The following STPG2 variants were observed in gnomAD, a reference collection of about 807,000 sequenced individuals.
STPG2 encodes sperm-tail PG-rich repeat-containing protein 2.
Under a neutral mutation model 54.2 loss-of-function variants are expected in STPG2, and 56 were observed. The observed-to-expected ratio is 1.03, with a 90% CI of 0.83 to 1.29. STPG2 has a LOEUF of 1.29. STPG2 is among the 50% of genes most tolerant of loss of function. STPG2 has a pLI of 0.00. For synonymous variants in STPG2, 200 were observed against 181.8 expected (o/e 1.10, Z -0.81); for missense variants, 596 against 544.9 (o/e 1.09, Z -0.93).
chr4:97,604,211 T>A (rs373708771), intron 10 of STPG2, among the ~76,000 whole-genome samples: 11 of 151,638 alleles, frequency 7.3e-5, no homozygotes, highest in African/African-American at 2.7e-4. Context: ...TAGCCTCATA[T>A]CTTTCAAGTC....
chr4:97,859,591 A>C (rs2149139031), intron 8 of STPG2, among the ~76,000 whole-genome samples: 1 of 151,704 alleles, frequency 6.6e-6, no homozygotes. Flanking sequence ...CAGGCTCCCA[A>C]GTAGCTGGGA....
At chr4:97,801,112 C>T (rs1446640257) in intron 9 of STPG2, among the ~76,000 whole-genome samples, 1 of 152,222 alleles carries the variant, frequency 6.6e-6, no homozygotes, top group Non-Finnish European at 1.5e-5. Flanking sequence ...AGGGAATTCT[C>T]TGACCCCTTG....
chr4:97,870,965 C>T (rs1210761997), intron 8 of STPG2, among the ~76,000 whole-genome samples: 1 of 150,866 alleles, frequency 6.6e-6, no homozygotes, highest in Non-Finnish European at 1.5e-5. Flanking sequence ...ATTAATGACA[C>T]TTCCTGATCA....
At chr4:97,653,128 T>G (rs189077088) in intron 10 of STPG2, among the ~76,000 whole-genome samples, 1 of 151,810 alleles carries the variant, frequency 6.6e-6, no homozygotes, top group East Asian at 1.9e-4. Context: ...GATAGATAGA[T>G]AGATAGACAG....
chr4:97,945,496 T>A (rs1346502255), intron 7 of STPG2, among the ~76,000 whole-genome samples: 1 of 152,182 alleles, frequency 6.6e-6, no homozygotes, highest in Non-Finnish European at 1.5e-5. Context: ...ATCTTTGCAA[T>A]TGTGAATTTG....
intron 7 of STPG2, among the ~76,000 whole-genome samples, chr4:97,951,845 T>A (rs1271716578): frequency 6.6e-6 from 1 of 151,940 alleles, no homozygotes; most frequent in Non-Finnish European, 1.5e-5. Flanking sequence ...AAGAAACTGG[T>A]TGTGATTAAA....
intron 4 of STPG2, among the ~76,000 whole-genome samples, chr4:97,517,979 G>A (rs541337892): frequency 2.0e-5 from 3 of 152,128 alleles, no homozygotes; most frequent in South Asian, 4.1e-4. Context: ...AAAATAAGGC[G>A]AATAATAAAG....
At chr4:97,874,064 C>T (rs1285624469) in intron 8 of STPG2, among the ~76,000 whole-genome samples, 1 of 151,382 alleles carries the variant, frequency 6.6e-6, no homozygotes, top group East Asian at 1.9e-4. Context: ...TTAATATAGC[C>T]TCTTTTGCAG....
At chr4:97,491,219 A>T (rs1443584294) in intron 4 of STPG2, among the ~76,000 whole-genome samples, 1 of 151,428 alleles carries the variant, frequency 6.6e-6, no homozygotes. Flanking sequence ...GAAAGCCCAC[A>T]TATTGGCAAT....
chr4:98,037,174 CTT>C (rs1736804755), intron 5 of STPG2, among the ~76,000 whole-genome samples: 1 of 151,936 alleles, frequency 6.6e-6, no homozygotes. Context: ...AGAGGGAACA[CTT>C]ATAAAATCTT....
intron 9 of STPG2, among the ~76,000 whole-genome samples, chr4:97,783,338 T>C (rs1726713757): frequency 6.6e-6 from 1 of 152,208 alleles, no homozygotes; most frequent in African/African-American, 2.4e-5. Context: ...TCATCATCAC[T>C]GGCCATCAGA....
chr4:98,111,923 T>TG (rs558851153), intron 3 of STPG2, among the ~76,000 whole-genome samples: 88 of 152,184 alleles, frequency 5.8e-4, no homozygotes, highest in African/African-American at 2.0e-3. Context: ...TTTGGATTCT[T>TG]GGACTTTCCC....
intron 10 of STPG2, among the ~76,000 whole-genome samples, chr4:97,667,448 A>G (rs1722563441): frequency 6.6e-6 from 1 of 152,240 alleles, no homozygotes; most frequent in African/African-American, 2.4e-5. Context: ...GGTTAAAACA[A>G]TTTGATTTGT....
At chr4:97,725,224 TG>T (rs1444044392) in intron 9 of STPG2, among the ~76,000 whole-genome samples, 1 of 152,000 alleles carries the variant, frequency 6.6e-6, no homozygotes, top group African/African-American at 2.4e-5. Context: ...TCCCTTCCTC[TG>T]CTAACCTACA....
chr4:97,643,024 T>C (rs944541429), intron 10 of STPG2, among the ~76,000 whole-genome samples: 3 of 151,534 alleles, frequency 2.0e-5, no homozygotes, highest in African/African-American at 7.2e-5. Context: ...AATGAATCAA[T>C]CAATCATGTG....
intron 10 of STPG2, among the ~76,000 whole-genome samples, chr4:97,694,495 G>A (rs965842836): frequency 1.3e-5 from 2 of 151,870 alleles, no homozygotes; most frequent in African/African-American, 4.8e-5. Flanking sequence ...AACAAGCAGC[G>A]AGATTAAATG....
At chr4:98,116,655 T>C in intron 3 of STPG2, among the ~76,000 whole-genome samples, 1 of 152,004 alleles carries the variant, frequency 6.6e-6, no homozygotes, top group Non-Finnish European at 1.5e-5. Flanking sequence ...AATATCTTAA[T>C]GAAGATTAAT....
rs906087231 is a variant in STPG2, at chr4:97,896,205, C to T, written c.1044+47692G>A. Among the ~76,000 whole-genome samples, 7 of 151,880 alleles carry T rather than the reference C, an allele frequency of 4.6e-5. No homozygotes were observed. The South Asian group carries it at 1.5e-3, about 31-fold the overall frequency. On this transcript the variant is annotated intron_variant, in intron 8 of 10. Coordinates refer to ENST00000295268, the MANE Select transcript of STPG2 (RefSeq NM_174952.3). Reference sequence around the variant, plus strand: ...GTTATTCTCTGGGCCACCATAGCTCCTATTCCACCTGAACTCATCACTGTG... The same window carrying T: ...GTTATTCTCTGGGCCACCATAGCTCTTATTCCACCTGAACTCATCACTGTG...
chr4:97,837,440 G>A (rs1254841554), intron 9 of STPG2, among the ~76,000 whole-genome samples: 1 of 151,712 alleles, frequency 6.6e-6, no homozygotes, highest in East Asian at 1.9e-4. Flanking sequence ...ACAGGTCAAT[G>A]TGAGAGATAA....
Sources: gnomAD v4.1 joint callset for allele counts (sites outside exome capture counted in the v4.1 genomes callset) on GRCh38, gnomAD v4.1.1 for gene constraint, MANE v1.5 for transcripts, NCBI Gene and HGNC (gene_info 2026-07-23, HGNC 2026-07-21) for gene names.